The following ITPR1 variants were observed in gnomAD, a reference collection of about 807,000 sequenced individuals.
ITPR1 encodes inositol 1,4,5-trisphosphate-gated calcium channel ITPR1.
A neutral mutation model predicts 318.4 loss-of-function variants in ITPR1; 96 were observed. That is an observed-to-expected ratio of 0.30 (90% CI 0.26 to 0.36). The LOEUF (loss-of-function observed/expected upper bound fraction) is 0.36. Ranked by LOEUF, ITPR1 falls within the 10% of genes least tolerant of loss-of-function variation. The pLI, the probability that ITPR1 is intolerant of heterozygous loss-of-function variation, is 1.00. For missense variants in ITPR1, 2,440 were observed against 3,460.2 expected (o/e 0.71, Z 7.40); for synonymous variants, 1,312 against 1,289.9 (o/e 1.02, Z -0.37).
chr3:4,503,061 G>C (rs1353871202), intron 2 of ITPR1, among the ~76,000 whole-genome samples: 2 of 130,520 alleles, frequency 1.5e-5, no homozygotes, highest in African/African-American at 5.0e-5. Context: ...CTCCAGCCTG[G>C]GGGGCAGAGT....
At chr3:4,573,291 C>A (rs967988937) in intron 4 of ITPR1, among the ~76,000 whole-genome samples, 3 of 152,086 alleles carry the variant, frequency 2.0e-5, no homozygotes, top group African/African-American at 7.2e-5. Flanking sequence ...CTAATCTAGT[C>A]CCTCAGTAAA....
intron 13 of ITPR1, 49 bp from the exon 14 acceptor site, chr3:4,660,939 G>A (rs1186757957): frequency 3.1e-6 from 3 of 978,542 alleles, no homozygotes; most frequent in Non-Finnish European, 3.1e-6. Context: ...GGGCTATAGA[G>A]TAAACCTCAA....
Position 4,653,849 on chromosome 3 carries a change from C to A in ITPR1, c.959C>A (p.Pro320His), listed in dbSNP as rs1217595703. ...TGHYLAAEVD[P>H]DFEEECLEFQ... ...ATGATTCTTTTTCATCAGGTAGACC[C>A]TGACTTTGAGGAAGAATGCCTGGAG... The change falls in exon 12 of 62, where the codon CCT becomes CAT. Residue 320 changes from proline (P) to histidine (H), a missense_variant. Around this residue, in one of 23 missense-constraint regions of ITPR1, gnomAD observed 32 missense variants for 62.7 expected, o/e 0.51. Transcript: ENST00000649015. The A allele has an allele frequency of 2.5e-6, 4 of 1,609,912 alleles. No individual in the cohort carries two copies. In the South Asian group the frequency reaches 4.4e-5, roughly 18 times the overall value.
At chr3:4,539,085 T>C (rs2084154459) in intron 4 of ITPR1, among the ~76,000 whole-genome samples, 1 of 152,194 alleles carries the variant, frequency 6.6e-6, no homozygotes, top group South Asian at 2.1e-4. Context: ...AAACATTGAC[T>C]TCAAAAAATT....
intron 60 of ITPR1, chr3:4,831,535 C>T (rs2050511198): frequency 6.4e-6 from 1 of 157,470 alleles, no homozygotes; most frequent in African/African-American, 2.4e-5. Context: ...CTCAGTGACC[C>T]CGTAATCCTC....
intron 60 of ITPR1, among the ~76,000 whole-genome samples, chr3:4,827,296 T>C (rs1445832936): frequency 6.6e-6 from 1 of 152,322 alleles, no homozygotes. Flanking sequence ...TCCTGTGTAT[T>C]CTAAATATTG....
chr3:4,494,674 A>G (rs748579614), intron 2 of ITPR1, among the ~76,000 whole-genome samples, 168 bp downstream of exon 2: 1 of 152,230 alleles, frequency 6.6e-6, no homozygotes, highest in African/African-American at 2.4e-5. Context: ...TTGGGAGCAG[A>G]GGTCCAGTGG....
chr3:4,768,077 C>T (rs1164700914), intron 45 of ITPR1, among the ~76,000 whole-genome samples: 1 of 152,218 alleles, frequency 6.6e-6, no homozygotes, highest in Non-Finnish European at 1.5e-5. Flanking sequence ...ACACAAAGTT[C>T]TTCATCACAG....
At chr3:4,840,947 G>C (rs1426947086) in intron 61 of ITPR1, among the ~76,000 whole-genome samples, 4 of 152,252 alleles carry the variant, frequency 2.6e-5, no homozygotes, top group Non-Finnish European at 4.4e-5. Context: ...TACAAGAAGT[G>C]CTTGAAAATT....
At chr3:4,624,009 T>C (rs905745254) in intron 4 of ITPR1, among the ~76,000 whole-genome samples, 1 of 152,226 alleles carries the variant, frequency 6.6e-6, no homozygotes, top group African/African-American at 2.4e-5. Flanking sequence ...GAGCTTGTGA[T>C]GTAGCCCCTT....
chr3:4,702,978 C>T (rs745777901), intron 36 of ITPR1, 28 bp downstream of exon 36: 8 of 1,602,292 alleles, frequency 5.0e-6, no homozygotes, highest in African/African-American at 1.3e-5. Context: ...TTTGGATATA[C>T]GTGATGAAAA....
chr3:4,733,009 C>T, intron 42 of ITPR1, 79 bp from the exon 43 acceptor site: 2 of 1,404,874 alleles, frequency 1.4e-6, no homozygotes, highest in Middle Eastern at 1.8e-4. Context: ...TAACTGAGTA[C>T]CCCTGTGTGT....
intron 60 of ITPR1, among the ~76,000 whole-genome samples, chr3:4,819,162 A>G (rs2049510354): frequency 6.6e-6 from 1 of 152,242 alleles, no homozygotes; most frequent in Non-Finnish European, 1.5e-5. Flanking sequence ...TGTTCAGATA[A>G]GTATCATCAT....
In ITPR1 at chr3:4,777,383, G is replaced by A. The variant is rs1385142016; in HGVS notation, c.6291+9G>A. 6.6e-7 allele frequency: 1 copy of A among 1,525,374 alleles called. No homozygotes were observed. Among genetic ancestry groups the A allele is most frequent in the Admixed American group, 1.8e-5 (1 of 55,668 alleles). 94.5% of individuals were successfully genotyped at this position (1,525,374 alleles called of 1,614,324 possible). ...TTGTGTTAGAACTGAAGGCAAGTAG[G>A]AATTAAAAGCAGAAGACAGTCATTT... is the stretch of plus-strand genomic sequence containing the variant. On this transcript the variant is annotated intron_variant, in intron 48 of 61. Transcript: ENST00000649015.
chr3:4,711,873 T>A lies in ITPR1; in HGVS notation c.5103+5T>A. ...GATAGAGGCTATGGAGAAAAGGTAC[T>A]GCATTTTATTTTCATGGTCAAACCA... On this transcript the variant is annotated splice_donor_5th_base_variant and intron_variant, in intron 39 of 61. Coordinates refer to ENST00000649015, the MANE Select transcript of ITPR1 (RefSeq NM_001378452.1). 1 of 1,410,458 alleles carries A rather than the reference T, an allele frequency of 7.1e-7. No homozygotes were observed. Among genetic ancestry groups the A allele is most frequent in the Non-Finnish European group, 9.6e-7 (1 of 1,037,230 alleles). The allele number at this position is 1,410,458 out of a possible 1,614,324, so 87.4% of individuals were successfully genotyped here. A position where few individuals can be genotyped will look rare whatever the true frequency, so the allele number is the denominator to read the frequency against.
chr3:4,538,560 G>T (rs1013270850), intron 4 of ITPR1, among the ~76,000 whole-genome samples: 5 of 152,124 alleles, frequency 3.3e-5, no homozygotes, highest in Non-Finnish European at 7.4e-5. Flanking sequence ...AAACCCAAGG[G>T]AATATAAATC....
intron 4 of ITPR1, among the ~76,000 whole-genome samples, chr3:4,581,559 A>G (rs1238249277): frequency 6.6e-6 from 1 of 152,224 alleles, no homozygotes; most frequent in Non-Finnish European, 1.5e-5. Context: ...TGGGACAACA[A>G]GCAACACCCA....
chr3:4,718,618 G>A (rs2041935018), intron 40 of ITPR1, among the ~76,000 whole-genome samples: 1 of 152,206 alleles, frequency 6.6e-6, no homozygotes, highest in Non-Finnish European at 1.5e-5. Flanking sequence ...CAAACACGTG[G>A]CTGGCTTTCC....
At chr3:4,625,056 T>G (rs1286639813) in intron 4 of ITPR1, among the ~76,000 whole-genome samples, 7 of 152,194 alleles carry the variant, frequency 4.6e-5, no homozygotes, top group Non-Finnish European at 1.0e-4. Context: ...GAGAGTATCT[T>G]TCATATGCAG....
Sources: gnomAD v4.1 joint callset for allele counts (sites outside exome capture counted in the v4.1 genomes callset) on GRCh38, gnomAD v4.1.1 for gene constraint, gnomAD v4.1.1 regional missense constraint, MANE v1.5 for transcripts, NCBI Gene and HGNC (gene_info 2026-07-23, HGNC 2026-07-21) for gene names.